ASTN2: variants seen among roughly 807,000 people sequenced by gnomAD.
ASTN2 encodes the protein astrotactin 2.
ASTN2 carries 54 observed loss-of-function variants against 139.8 expected under a neutral mutation model. The ratio of observed to expected loss-of-function variants is 0.39; its 90% CI spans 0.31 to 0.48. The LOEUF (loss-of-function observed/expected upper bound fraction) is 0.48, where lower values mean the gene tolerates loss of function less well. Among genes scored for constraint, ASTN2 ranks in the 20% least tolerant of loss-of-function variants. The pLI, the probability that ASTN2 is intolerant of heterozygous loss-of-function variation, is 0.95. For synonymous variants in ASTN2, 756 were observed against 719.5 expected (o/e 1.05, Z -0.81); for missense variants, 1,565 against 1,725.1 (o/e 0.91, Z 1.64).
chr9:117,136,737 A>T lies in ASTN2; in HGVS notation c.1168+4589T>A, dbSNP rs1054619499. Reference sequence around the variant, plus strand: ...GGCTCAGGAAGGGGAAGATGGATTTATGAGACGCTGCAGGCCAATGGGCAG... The same window carrying T: ...GGCTCAGGAAGGGGAAGATGGATTTTTGAGACGCTGCAGGCCAATGGGCAG... On this transcript the variant is annotated intron_variant, in intron 4 of 22. Coordinates refer to ENST00000313400, the MANE Select transcript of ASTN2 (RefSeq NM_001365068.1). Among the ~76,000 whole-genome samples the T allele has an allele frequency of 6.3e-4, 96 of 152,202 alleles. 2 individuals are homozygous for T. Among genetic ancestry groups the T allele is most frequent in the Non-Finnish European group, 2.9e-5 (2 of 68,046 alleles).
chr9:116,618,775 T>C (rs916180640), intron 18 of ASTN2, among the ~76,000 whole-genome samples: 2 of 152,198 alleles, frequency 1.3e-5, no homozygotes, highest in African/African-American at 4.8e-5. Flanking sequence ...ATTTATACTA[T>C]ATTCTCAACG....
rs1433485798 is a variant in ASTN2 at position 117,120,049 on chromosome 9, T to TATATATATATATAC, written c.1168+21276_1168+21277insGTATATATATATAT. On this transcript the variant is annotated intron_variant, in intron 4 of 22. Transcript: ENST00000313400. ...ATATATATATATATATATATATATA[T>TATATATATATATAC]ACCCTGAGTATATATACTCAGAGAT... is the stretch of plus-strand genomic sequence containing the variant. Among the ~76,000 whole-genome samples, 138 of 129,322 alleles carry TATATATATATATAC rather than the reference T, an allele frequency of 1.1e-3. 2 individuals are homozygous for TATATATATATATAC. The highest frequency in any genetic ancestry group is 4.1e-3 in the African/African-American group (130 of 31,756). 84.8% of individuals were successfully genotyped at this position (129,322 alleles called of 152,430 possible).
chr9:116,487,535 T>A (rs767618025), intron 19 of ASTN2, 35 bp from the exon 20 acceptor site: 1 of 1,605,732 alleles, frequency 6.2e-7, no homozygotes, highest in Admixed American at 1.7e-5. Flanking sequence ...GCTCCCCAGC[T>A]CAGGCCATAG....
intron 5 of ASTN2, among the ~76,000 whole-genome samples, chr9:117,070,306 ATTCTT>A (rs1170274484): frequency 9.4e-6 from 1 of 106,288 alleles, no homozygotes; most frequent in Non-Finnish European, 1.9e-5. Context: ...TGGGTTGAAA[ATTCTT>A]TTCTTTAAGA....
chr9:116,840,254 GAA>G (rs1219813865), intron 11 of ASTN2, among the ~76,000 whole-genome samples: 3 of 149,964 alleles, frequency 2.0e-5, no homozygotes, highest in East Asian at 4.1e-4. Context: ...AGAACAAAAT[GAA>G]AAGTCTCCCA....
intron 19 of ASTN2, among the ~76,000 whole-genome samples, chr9:116,561,337 G>A (rs139699473): frequency 2.2e-3 from 334 of 152,216 alleles, no homozygotes; most frequent in African/African-American, 7.6e-3. Context: ...CTTGGTAGAA[G>A]TTCAATAAAT....
At chr9:117,241,971 G>A (rs1230588712) in intron 2 of ASTN2, among the ~76,000 whole-genome samples, 3 of 128,418 alleles carry the variant, frequency 2.3e-5, no homozygotes, top group Non-Finnish European at 4.9e-5. Flanking sequence ...ATTTTCATAT[G>A]AAATTTGACA....
At chr9:116,523,130 T>C (rs1850948302) in intron 19 of ASTN2, among the ~76,000 whole-genome samples, 1 of 152,080 alleles carries the variant, frequency 6.6e-6, no homozygotes, top group Non-Finnish European at 1.5e-5. Flanking sequence ...CTGAGGGCTA[T>C]TAACTATTAT....
chr9:116,865,108 C>T (rs1472300554), intron 10 of ASTN2, among the ~76,000 whole-genome samples: 1 of 152,084 alleles, frequency 6.6e-6, no homozygotes, highest in Non-Finnish European at 1.5e-5. Flanking sequence ...TCTCTGAAAA[C>T]AGGTTCTAAA....
intron 1 of ASTN2, among the ~76,000 whole-genome samples, chr9:117,391,615 G>C (rs1564180927): frequency 1.3e-5 from 2 of 152,140 alleles, no homozygotes; most frequent in Non-Finnish European, 2.9e-5. Context: ...TGGGGACACA[G>C]AGCCAAACCA....
chr9:116,803,306 A>C, intron 13 of ASTN2, among the ~76,000 whole-genome samples: 1 of 131,204 alleles, frequency 7.6e-6, no homozygotes, highest in Non-Finnish European at 1.6e-5. Flanking sequence ...GCTTTTCCTG[A>C]TTTTTGTTCT....
intron 1 of ASTN2, among the ~76,000 whole-genome samples, chr9:117,388,662 G>C (rs977828357): frequency 6.6e-6 from 1 of 152,192 alleles, no homozygotes; most frequent in African/African-American, 2.4e-5. Flanking sequence ...TCACAGAGTT[G>C]GGAGTGTAGC....
At chr9:116,778,779 A>C (rs889005650) in intron 13 of ASTN2, among the ~76,000 whole-genome samples, 3 of 152,196 alleles carry the variant, frequency 2.0e-5, no homozygotes, top group African/African-American at 7.2e-5. Context: ...TCTGCATTAA[A>C]TACCTCACTA....
intron 10 of ASTN2, among the ~76,000 whole-genome samples, chr9:116,921,586 T>TAAA (rs11371651): frequency 6.2e-5 from 7 of 112,940 alleles, no homozygotes; most frequent in African/African-American, 1.8e-4. Context: ...AGACTCCGTC[T>TAAA]AAAAAAAAAA....
At chr9:116,759,470 AC>A (rs1829620288) in intron 13 of ASTN2, among the ~76,000 whole-genome samples, 1 of 152,162 alleles carries the variant, frequency 6.6e-6, no homozygotes, top group Admixed American at 6.5e-5. Context: ...CAATATCAGA[AC>A]CTGTGTTTTG....
At chr9:116,901,660 C>T (rs1182269307) in intron 10 of ASTN2, among the ~76,000 whole-genome samples, 2 of 152,122 alleles carry the variant, frequency 1.3e-5, no homozygotes, top group Non-Finnish European at 2.9e-5. Flanking sequence ...TAATACATGA[C>T]TATGTTACTG....
chr9:117,012,752 T>A (rs1232062935), intron 6 of ASTN2, among the ~76,000 whole-genome samples: 3 of 152,230 alleles, frequency 2.0e-5, no homozygotes, highest in Non-Finnish European at 4.4e-5. Flanking sequence ...AGTGGCCACC[T>A]GTGTGGCATT....
At chr9:117,334,384 T>C (rs1285835788) in intron 1 of ASTN2, among the ~76,000 whole-genome samples, 1 of 152,010 alleles carries the variant, frequency 6.6e-6, no homozygotes, top group East Asian at 1.9e-4. Flanking sequence ...GAGACTAGGA[T>C]ACATCAGCCA....
chr9:116,774,667 C>T (rs1317261531), intron 13 of ASTN2, among the ~76,000 whole-genome samples: 1 of 151,554 alleles, frequency 6.6e-6, no homozygotes, highest in Non-Finnish European at 1.5e-5. Context: ...GGCTCTTAGT[C>T]TGCTCTACTG....
Sources: allele counts gnomAD v4.1 joint callset (sites outside exome capture counted in the v4.1 genomes callset), GRCh38; gene constraint gnomAD v4.1.1; transcripts MANE v1.5; gene names NCBI Gene and HGNC (gene_info 2026-07-23, HGNC 2026-07-21).